The following MORC4 variants were observed in gnomAD, a reference collection of about 807,000 sequenced individuals.
MORC4 encodes MORC family CW-type zinc finger 4.
Under a neutral mutation model 65.5 loss-of-function variants are expected in MORC4, and 22 were observed. The observed-to-expected ratio is 0.34, with a 90% CI of 0.24 to 0.48. The LOEUF (loss-of-function observed/expected upper bound fraction) is 0.48. Among genes scored for constraint, MORC4 ranks in the 20% least tolerant of loss-of-function variants. MORC4 has a pLI of 0.99. For synonymous variants in MORC4, 267 were observed against 255.8 expected, an observed-to-expected ratio of 1.04 and a Z score of -0.42; for missense variants, 624 against 703.0, an observed-to-expected ratio of 0.89 and a Z score of 1.27.
At chrX:106,995,117 T>C (rs1356682438) in intron 2 of MORC4, among the ~76,000 whole-genome samples, 1 of 111,671 alleles carries the variant, frequency 9.0e-6, no homozygotes, top group African/African-American at 3.3e-5. Context: ...TGTAATTTTG[T>C]AGCCATTAAC....
chrX:106,958,228 G>T, intron 11 of MORC4, 108 bp downstream of exon 11: 1 of 740,700 alleles, frequency 1.4e-6, no homozygotes. Context: ...TCAGCACAGG[G>T]CCTTGAATGC....
chrX:106,943,138 T>C lies in MORC4; in HGVS notation c.1753A>G (p.Thr585Ala), dbSNP rs746436169. 2 of 1,208,910 alleles carry C rather than the reference T, an allele frequency of 1.7e-6. No individual in the cohort carries two copies. Among genetic ancestry groups the C allele is most frequent in the African/African-American group, 3.5e-5 (2 of 57,212 alleles). The change falls in exon 15 of 17, where the codon ACA becomes GCA. Residue 585 changes from threonine (T) to alanine (A), a missense_variant. Thr to Ala is a moderately conservative substitution (Grantham distance 58). Coordinates refer to ENST00000355610, the MANE Select transcript of MORC4 (RefSeq NM_024657.5). The part of the protein sequence containing the change: ...KRRRLQNEMT[T>A]PSLDYSMPAP... ...GGCATGGAATAATCTAGAGAAGGTG[T>C]TGTCATCTCATTCTGGAGCCTTCTT...
At chrX:106,997,561 A>G (rs1307429443) in intron 2 of MORC4, among the ~76,000 whole-genome samples, 5 of 112,310 alleles carry the variant, frequency 4.5e-5, no homozygotes, top group Non-Finnish European at 3.8e-5. Context: ...TACTTAGTAT[A>G]TATGTAACCT....
intron 14 of MORC4, among the ~76,000 whole-genome samples, chrX:106,950,341 A>G (rs1441767026): frequency 9.0e-6 from 1 of 111,502 alleles, no homozygotes; most frequent in African/African-American, 3.3e-5. Flanking sequence ...AGAATTCTTC[A>G]TGTTCTGCTC....
At chrX:106,992,183 G>A (rs1232582713) in intron 3 of MORC4, among the ~76,000 whole-genome samples, 1 of 112,080 alleles carries the variant, frequency 8.9e-6, no homozygotes, top group Non-Finnish European at 1.9e-5. Flanking sequence ...ACAGACTGCT[G>A]AGTGGTAAAA....
At position 106,992,299 on chromosome X, in the gene MORC4, C is replaced by G. The variant is rs1934998520; in HGVS notation, c.308+931G>C. 3.6e-5 allele frequency among the ~76,000 whole-genome samples: 4 copies of G among 112,427 alleles called. No individual in the cohort carries two copies. The Admixed American group carries it at 3.8e-4, about 11-fold the overall frequency. ...TTTAGAATACCTACAAGGGTAACTA[C>G]AACCACATGAATTTGTTTTCCATTT... On this transcript the variant is annotated intron_variant, in intron 3 of 16. Transcript: ENST00000355610.
Position 106,975,166 on chromosome X carries a change from T to C in MORC4, c.1157+1418A>G, listed in dbSNP as rs759815363. On this transcript the variant is annotated intron_variant, in intron 9 of 16. Transcript: ENST00000355610. ...TGGTGGCAAAGATGATATAGAAAGA[T>C]GTTAAATAATTTTTAATATCTAACA... Among the ~76,000 whole-genome samples, 6 of 112,019 alleles carry C rather than the reference T, an allele frequency of 5.4e-5. No individual in the cohort carries two copies. In the South Asian group the frequency reaches 1.5e-3, roughly 28 times the overall value.
At chrX:106,977,467 A>C (rs974242423) in intron 8 of MORC4, among the ~76,000 whole-genome samples, 1 of 112,113 alleles carries the variant, frequency 8.9e-6, no homozygotes, top group African/African-American at 3.2e-5. Flanking sequence ...ACTACTTTAA[A>C]TAATCATTAA....
intron 14 of MORC4, among the ~76,000 whole-genome samples, chrX:106,947,031 GTTTTA>G (rs1029383202): frequency 1.8e-5 from 2 of 110,814 alleles, no homozygotes; most frequent in East Asian, 2.8e-4. Flanking sequence ...CATATGTTTT[GTTTTA>G]ATTTTCATAT....
chrX:106,964,923 A>T (rs1351643928), intron 9 of MORC4, among the ~76,000 whole-genome samples: 1 of 109,724 alleles, frequency 9.1e-6, no homozygotes, highest in Non-Finnish European at 1.9e-5. Flanking sequence ...GCAGGAGAAT[A>T]GCTTGAACCG....
chrX:106,955,179 T>C lies in MORC4; in HGVS notation c.1510-91A>G. ...TCCTTCTGATGCTAGGAAAGAATGC[T>C]TGGCCAAATAAAAAGAAACTGTTTC... is the stretch of plus-strand genomic sequence containing the variant. On this transcript the variant is annotated intron_variant, in intron 13 of 16. Coordinates refer to ENST00000355610, the MANE Select transcript of MORC4 (RefSeq NM_024657.5). The C allele has an allele frequency of 6.0e-6, 4 of 671,317 alleles. No individual in the cohort carries two copies. The East Asian group carries it at 1.3e-4, about 22-fold the overall frequency. The allele number at this position is 671,317 out of a possible 1,213,427, so 55.3% of individuals were successfully genotyped here.
intron 14 of MORC4, among the ~76,000 whole-genome samples, chrX:106,950,770 A>C (rs188314998): frequency 8.9e-6 from 1 of 111,770 alleles, no homozygotes; most frequent in East Asian, 2.8e-4. Flanking sequence ...TCCCAGGTAA[A>C]ACCATAGCTC....
intron 9 of MORC4, among the ~76,000 whole-genome samples, chrX:106,966,606 T>C (rs1314004118): frequency 1.8e-5 from 2 of 112,921 alleles, no homozygotes; most frequent in African/African-American, 3.2e-5. Flanking sequence ...CCCTCGGTCT[T>C]TGCAACCAGC....
chrX:106,946,834 G>A (rs1256112987), intron 14 of MORC4, among the ~76,000 whole-genome samples: 1 of 111,387 alleles, frequency 9.0e-6, no homozygotes, highest in Non-Finnish European at 1.9e-5. Flanking sequence ...TAGAGACAGG[G>A]TCTTCCTATG....
At chrX:106,992,135 A>G (rs959481071) in intron 3 of MORC4, among the ~76,000 whole-genome samples, 3 of 112,079 alleles carry the variant, frequency 2.7e-5, no homozygotes, top group Admixed American at 9.5e-5. Context: ...TTTTCCTCAA[A>G]TAGTCTTCTA....
rs774191504 is a variant in MORC4, at chrX:106,947,591, A to T, written c.1686-4386T>A. Among the ~76,000 whole-genome samples the T allele has an allele frequency of 6.5e-3, 541 of 83,107 alleles. 11 individuals are homozygous for T. Among genetic ancestry groups the T allele is most frequent in the African/African-American group, 0.028 (509 of 18,316 alleles). 72.2% of individuals were successfully genotyped at this position (83,107 alleles called of 115,157 possible). ...ATATATTATATATATATATATATAT[A>T]ATATATATATATATAAAACACACTT... is the stretch of plus-strand genomic sequence containing the variant. On this transcript the variant is annotated intron_variant, in intron 14 of 16. Transcript: ENST00000355610.
chrX:106,966,665 C>T (rs780664811), intron 9 of MORC4, among the ~76,000 whole-genome samples: 104 of 113,306 alleles, frequency 9.2e-4, no homozygotes, highest in Non-Finnish European at 8.8e-4. Flanking sequence ...GCCACGCCCA[C>T]AGAGCCTTGC....
chrX:106,957,034 GA>G, intron 11 of MORC4, 30 bp from the exon 12 acceptor site: 2 of 1,023,530 alleles, frequency 2.0e-6, no homozygotes, highest in Non-Finnish European at 1.4e-6. Context: ...TCATCCTTTG[GA>G]AAAAAACTGG....
At chrX:106,955,495 G>A (rs1204525093) in intron 13 of MORC4, among the ~76,000 whole-genome samples, 3 of 96,074 alleles carry the variant, frequency 3.1e-5, no homozygotes, top group Admixed American at 1.2e-4. Flanking sequence ...AAATACATGC[G>A]ACAGACTAAC....
Sources: allele counts gnomAD v4.1 joint callset (sites outside exome capture counted in the v4.1 genomes callset), GRCh38; gene constraint gnomAD v4.1.1; transcripts MANE v1.5; gene names NCBI Gene and HGNC (gene_info 2026-07-23, HGNC 2026-07-21).